The following NEK7 variants were observed in gnomAD, a reference collection of about 807,000 sequenced individuals.
The protein encoded by NEK7 is NIMA related kinase 7, also known as serine/threonine-protein kinase Nek7.
In NEK7, 18 loss-of-function variants were observed where a neutral mutation model predicts 44.6. That is an observed-to-expected ratio of 0.40 (90% CI 0.28 to 0.60). The LOEUF is 0.60. NEK7 is among the 20% of genes least tolerant of loss of function. NEK7 has a pLI of 0.38. For missense variants in NEK7, 256 were observed against 366.5 expected (o/e 0.70, Z 2.46); for synonymous variants, 130 against 121.1 (o/e 1.07, Z -0.48).
chr1:198,314,888 TTGTC>T (rs1160408153), intron 9 of NEK7, among the ~76,000 whole-genome samples: 1 of 152,196 alleles, frequency 6.6e-6, no homozygotes, highest in African/African-American at 2.4e-5. Flanking sequence ...GTCCTTTTGT[TTGTC>T]TGTGCCCTGC....
At chr1:198,186,253 G>A (rs1055343396) in intron 1 of NEK7, among the ~76,000 whole-genome samples, 2 of 152,098 alleles carry the variant, frequency 1.3e-5, no homozygotes, top group Non-Finnish European at 2.9e-5. Context: ...GTGATGTTAA[G>A]GCATATCGGT....
At chr1:198,252,163 G>T (rs1235223370) in intron 2 of NEK7, among the ~76,000 whole-genome samples, 1 of 152,074 alleles carries the variant, frequency 6.6e-6, no homozygotes, top group Non-Finnish European at 1.5e-5. Context: ...AGGTTGTTCA[G>T]TTTCCACACA....
intron 1 of NEK7, among the ~76,000 whole-genome samples, chr1:198,203,716 AC>A (rs1325254839): frequency 1.3e-5 from 2 of 152,318 alleles, no homozygotes; most frequent in Admixed American, 1.3e-4. Context: ...AAATAATAAA[AC>A]TAACAAAAGA....
chr1:198,214,908 G>T (rs561960126), intron 1 of NEK7, among the ~76,000 whole-genome samples: 3 of 152,178 alleles, frequency 2.0e-5, no homozygotes, highest in South Asian at 2.1e-4. Flanking sequence ...GTGAAAAAAA[G>T]AATTCTAATA....
intron 7 of NEK7, among the ~76,000 whole-genome samples, chr1:198,285,449 T>C (rs1654338233): frequency 1.3e-5 from 2 of 152,326 alleles, no homozygotes; most frequent in South Asian, 2.1e-4. Flanking sequence ...CACAGTGAGT[T>C]GTAGACGCTT....
intron 1 of NEK7, among the ~76,000 whole-genome samples, chr1:198,228,761 A>G (rs1450073147): frequency 6.6e-6 from 1 of 152,084 alleles, no homozygotes; most frequent in Admixed American, 6.5e-5. Context: ...GCTTAAGGAG[A>G]TTTTGGGCTG....
At position 198,322,172 on chromosome 1, in the gene NEK7, T is replaced by G. The variant is rs944295509; in HGVS notation, c.*2650T>G. ...TTAACATTTACTATGATATTTATTT[T>G]AACCAAAATGTTACTCACATTAAAT... On this transcript the variant is annotated 3_prime_UTR_variant, in exon 10 of 10. Coordinates refer to ENST00000367385, the MANE Select transcript of NEK7 (RefSeq NM_133494.3). The G allele has an allele frequency of 1.3e-5, 2 of 152,196 alleles. No homozygotes were observed. The highest frequency in any genetic ancestry group is 4.8e-5 in the African/African-American group (2 of 41,472). 9.4% of individuals were successfully genotyped at this position (152,196 alleles called of 1,614,324 possible).
At chr1:198,163,981 C>G (rs542627937) in intron 1 of NEK7, among the ~76,000 whole-genome samples, 4 of 152,086 alleles carry the variant, frequency 2.6e-5, no homozygotes. Context: ...TGGCTCACAC[C>G]TGTAATCCCA....
Position 198,320,287 on chromosome 1 carries a change from G to C in NEK7, c.*765G>C, listed in dbSNP as rs1047836232. On this transcript the variant is annotated 3_prime_UTR_variant, in exon 10 of 10. Coordinates refer to ENST00000367385, the MANE Select transcript of NEK7 (RefSeq NM_133494.3). The stretch of plus-strand genomic sequence containing the variant: ...TTTTTAAAGTTGCACATTGCCCAAG[G>C]CTTTTTTTGTGTGTTTTTATTGTTG... The C allele has an allele frequency of 3.3e-5, 5 of 151,994 alleles. No individual in the cohort carries two copies. Among genetic ancestry groups the C allele is most frequent in the African/African-American group, 1.2e-4 (5 of 41,402 alleles). The allele number at this position is 151,994 out of a possible 1,614,324, so 9.4% of individuals were successfully genotyped here.
At chr1:198,290,539 C>T (rs577069182) in intron 7 of NEK7, among the ~76,000 whole-genome samples, 2 of 152,056 alleles carry the variant, frequency 1.3e-5, no homozygotes, top group Non-Finnish European at 2.9e-5. Flanking sequence ...TGTCAGTCAG[C>T]GTGAGTCCTT....
At chr1:198,182,660 A>G (rs1464016026) in intron 1 of NEK7, among the ~76,000 whole-genome samples, 1 of 152,186 alleles carries the variant, frequency 6.6e-6, no homozygotes, top group African/African-American at 2.4e-5. Flanking sequence ...GTTACTTTCA[A>G]ACTCTTTGTT....
At chr1:198,252,945 C>G (rs1379038854) in intron 2 of NEK7, 95 bp from the exon 3 acceptor site, 45 of 1,020,162 alleles carry the variant, frequency 4.4e-5, no homozygotes, top group Non-Finnish European at 6.1e-5. Context: ...CAAACTTACC[C>G]TATGTGTCAC....
intron 1 of NEK7, among the ~76,000 whole-genome samples, chr1:198,159,362 TC>T (rs1179899358): frequency 1.3e-5 from 2 of 152,134 alleles, no homozygotes; most frequent in Non-Finnish European, 2.9e-5. Context: ...ATCCTAGGTG[TC>T]CCGTTTCGTG....
At chr1:198,279,920 G>T (rs1047658663) in intron 7 of NEK7, among the ~76,000 whole-genome samples, 1 of 151,874 alleles carries the variant, frequency 6.6e-6, no homozygotes, top group East Asian at 1.9e-4. Flanking sequence ...ACGTAAGTAG[G>T]TACTCAATTA....
chr1:198,257,453 A>G (rs1385104980), intron 3 of NEK7, among the ~76,000 whole-genome samples: 1 of 152,186 alleles, frequency 6.6e-6, no homozygotes, highest in African/African-American at 2.4e-5. Flanking sequence ...TTTGTGGACA[A>G]TGATAGCACT....
At chr1:198,297,383 C>T in intron 9 of NEK7, 143 bp downstream of exon 9, 1 of 989,970 alleles carries the variant, frequency 1.0e-6, no homozygotes. Flanking sequence ...TTTTCATTCT[C>T]TTGGAGACTT....
chr1:198,294,875 T>C (rs1654664754), intron 8 of NEK7, among the ~76,000 whole-genome samples: 1 of 152,150 alleles, frequency 6.6e-6, no homozygotes. Flanking sequence ...AAAGCTTTAA[T>C]TTAAATTTAT....
chr1:198,304,527 G>C (rs952056820), intron 9 of NEK7, among the ~76,000 whole-genome samples: 1 of 152,106 alleles, frequency 6.6e-6, no homozygotes, highest in Non-Finnish European at 1.5e-5. Context: ...TAAGATGGGG[G>C]TGAAAAAGAA....
intron 1 of NEK7, among the ~76,000 whole-genome samples, chr1:198,162,280 G>T (rs7524402): frequency 0.024 from 3,730 of 152,260 alleles, 147 homozygotes; most frequent in African/African-American, 0.085. Context: ...CCTCGGGGAA[G>T]CCCAGGTAGG....
Sources: allele counts gnomAD v4.1 joint callset (sites outside exome capture counted in the v4.1 genomes callset), GRCh38; gene constraint gnomAD v4.1.1; transcripts MANE v1.5; gene names NCBI Gene and HGNC (gene_info 2026-07-23, HGNC 2026-07-21).